ADGRB3: variants seen among roughly 807,000 people sequenced by gnomAD.
ADGRB3 encodes adhesion G protein-coupled receptor B3.
Under a neutral mutation model 193.4 loss-of-function variants are expected in ADGRB3, and 37 were observed. That is an observed-to-expected ratio of 0.19 (90% CI 0.15 to 0.25). ADGRB3 has a LOEUF of 0.25. Ranked by LOEUF, ADGRB3 falls within the 10% of genes least tolerant of loss-of-function variation. The probability of loss-of-function intolerance (pLI) is 1.00; values close to 1 mark genes in which losing one functional copy is unlikely to be tolerated. For missense variants in ADGRB3, 1,637 were observed against 1,852.9 expected, an observed-to-expected ratio of 0.88 and a Z score of 2.14; for synonymous variants, 690 against 644.2, an observed-to-expected ratio of 1.07 and a Z score of -1.08.
Position 68,669,576 on chromosome 6 carries a change from C to T in ADGRB3, c.757+30144C>T, listed in dbSNP as rs1054614529. ...CACGTTGTTGTAAATGACAGGATCC[C>T]AGTTTTTTATGGATGAATAATACTC... On this transcript the variant is annotated intron_variant, in intron 3 of 31. Coordinates refer to ENST00000370598, the MANE Select transcript of ADGRB3 (RefSeq NM_001704.3). 8.0e-5 allele frequency among the ~76,000 whole-genome samples: 12 copies of T among 150,418 alleles called. No individual in the cohort carries two copies. In the Admixed American group the frequency reaches 8.0e-4, roughly 10 times the overall value.
chr6:69,281,150 T>C (rs1315827820), intron 20 of ADGRB3, among the ~76,000 whole-genome samples: 1 of 152,216 alleles, frequency 6.6e-6, no homozygotes, highest in African/African-American at 2.4e-5. Context: ...ACATTTCCAC[T>C]GGAGCATGTT....
At chr6:68,958,600 A>T (rs1768142439) in intron 8 of ADGRB3, among the ~76,000 whole-genome samples, 1 of 152,170 alleles carries the variant, frequency 6.6e-6, no homozygotes, top group Non-Finnish European at 1.5e-5. Flanking sequence ...TTTATGAAAA[A>T]GATAGTGTAC....
chr6:68,700,089 AT>A (rs1392199133), intron 3 of ADGRB3, among the ~76,000 whole-genome samples: 3 of 152,162 alleles, frequency 2.0e-5, no homozygotes. Context: ...GAACAGGTAA[AT>A]AAACACCATG....
At chr6:68,650,600 T>C (rs1768339588) in intron 3 of ADGRB3, among the ~76,000 whole-genome samples, 1 of 152,094 alleles carries the variant, frequency 6.6e-6, no homozygotes, top group African/African-American at 2.4e-5. Flanking sequence ...AAAATAGAAT[T>C]TTGGTTGCTG....
chr6:69,330,675 A>G, intron 23 of ADGRB3, 103 bp downstream of exon 23: 2 of 895,492 alleles, frequency 2.2e-6, no homozygotes, highest in Non-Finnish European at 3.3e-6. Context: ...CTTGTGTAGA[A>G]ATTTTAAAGT....
At chr6:69,312,104 C>T (rs1472746594) in intron 20 of ADGRB3, among the ~76,000 whole-genome samples, 1 of 151,664 alleles carries the variant, frequency 6.6e-6, no homozygotes, top group African/African-American at 2.4e-5. Context: ...CAGCAGAGGG[C>T]TGACTCCCCA....
intron 17 of ADGRB3, among the ~76,000 whole-genome samples, chr6:69,186,178 CAA>C (rs70987457): frequency 0.011 from 1,166 of 107,396 alleles, 11 homozygotes; most frequent in African/African-American, 0.024. Context: ...AATGAAATAG[CAA>C]AAAAAAAAAA....
intron 3 of ADGRB3, among the ~76,000 whole-genome samples, chr6:68,857,726 G>C (rs984079530): frequency 6.6e-6 from 1 of 152,188 alleles, no homozygotes; most frequent in Admixed American, 6.5e-5. Flanking sequence ...TTGGGGGACT[G>C]TTGGGAAGGC....
rs571206584 is a variant in ADGRB3 at position 69,144,418 on chromosome 6, T to G, written c.2480+68380T>G. On this transcript the variant is annotated intron_variant, in intron 17 of 31. Transcript: ENST00000370598. ...CCTTTATTTATTTATCTTGTTTGAT[T>G]ACACTAGCTAGAATGTACAGTATCA... Among the ~76,000 whole-genome samples, 5 of 152,306 alleles carry G rather than the reference T, an allele frequency of 3.3e-5. No homozygotes were observed. In the South Asian group the frequency reaches 1.0e-3, roughly 32 times the overall value.
chr6:68,716,362 A>T (rs540776843), intron 3 of ADGRB3, among the ~76,000 whole-genome samples: 1 of 151,846 alleles, frequency 6.6e-6, no homozygotes, highest in African/African-American at 2.4e-5. Flanking sequence ...ATCCTGCCTG[A>T]TTCTTGCAAC....
chr6:69,147,944 C>A (rs1297541130), intron 17 of ADGRB3, among the ~76,000 whole-genome samples: 4 of 152,016 alleles, frequency 2.6e-5, no homozygotes, highest in Admixed American at 2.6e-4. Flanking sequence ...TTGTTTGATA[C>A]AACTACTCCT....
At position 69,338,191 on chromosome 6, in the gene ADGRB3, A is replaced by G. The variant is rs565584803; in HGVS notation, c.3189-725A>G. ...TGCAAAATCCTCTAGACAAGAATAGACCATTTAAATACTAGGAGGTTGGAG... is the reference window on the plus strand; with the variant it reads ...TGCAAAATCCTCTAGACAAGAATAGGCCATTTAAATACTAGGAGGTTGGAG... On this transcript the variant is annotated intron_variant, in intron 24 of 31. Coordinates refer to ENST00000370598, the MANE Select transcript of ADGRB3 (RefSeq NM_001704.3). 9.8e-5 allele frequency among the ~76,000 whole-genome samples: 15 copies of G among 152,294 alleles called. No homozygotes were observed. In the South Asian group the frequency reaches 2.9e-3, roughly 29 times the overall value.
At chr6:69,055,641 G>A (rs1478465907) in intron 15 of ADGRB3, among the ~76,000 whole-genome samples, 2 of 151,960 alleles carry the variant, frequency 1.3e-5, no homozygotes, top group African/African-American at 4.8e-5. Context: ...CAATTCTTTT[G>A]GACATATACT....
intron 17 of ADGRB3, among the ~76,000 whole-genome samples, chr6:69,226,690 T>A (rs1766023014): frequency 6.6e-6 from 1 of 152,230 alleles, no homozygotes. Flanking sequence ...TGTTATGGCG[T>A]AGCTATTAGG....
intron 3 of ADGRB3, among the ~76,000 whole-genome samples, chr6:68,896,527 G>A (rs78506159): frequency 0.021 from 3,212 of 152,116 alleles, 50 homozygotes; most frequent in Non-Finnish European, 0.031. Flanking sequence ...TTCTCTTTTT[G>A]ATTGACTGTA....
At chr6:68,641,837 T>C (rs1345136166) in intron 3 of ADGRB3, among the ~76,000 whole-genome samples, 1 of 152,068 alleles carries the variant, frequency 6.6e-6, no homozygotes, top group Non-Finnish European at 1.5e-5. Flanking sequence ...AAGTATATTC[T>C]ATCTTCAATA....
At chr6:69,253,025 C>G (rs538083172) in intron 20 of ADGRB3, among the ~76,000 whole-genome samples, 1 of 151,962 alleles carries the variant, frequency 6.6e-6, no homozygotes, top group African/African-American at 2.4e-5. Flanking sequence ...TCCAATTGTT[C>G]TGGTACTGTT....
At chr6:69,171,749 T>C (rs953001123) in intron 17 of ADGRB3, among the ~76,000 whole-genome samples, 2 of 150,484 alleles carry the variant, frequency 1.3e-5, no homozygotes, top group African/African-American at 5.0e-5. Context: ...AAAGAATGAA[T>C]ACAGAGTCAA....
chr6:68,669,356 G>T (rs1768884247), intron 3 of ADGRB3, among the ~76,000 whole-genome samples: 1 of 151,292 alleles, frequency 6.6e-6, no homozygotes, highest in African/African-American at 2.4e-5. Context: ...TATTTCTTTT[G>T]TACCCATTAG....
Sources: gnomAD v4.1 joint callset for allele counts (sites outside exome capture counted in the v4.1 genomes callset) on GRCh38, gnomAD v4.1.1 for gene constraint, MANE v1.5 for transcripts, NCBI Gene and HGNC (gene_info 2026-07-23, HGNC 2026-07-21) for gene names.